KRT2: variants seen among roughly 807,000 people sequenced by gnomAD.
KRT2 encodes keratin 2, also known as keratin, type II cytoskeletal 2 epidermal.
KRT2 carries 37 observed loss-of-function variants against 48.5 expected under a neutral mutation model. That is an observed-to-expected ratio of 0.76 (90% CI 0.59 to 1.00). The LOEUF is 1.00. KRT2 is among the 50% of genes least tolerant of loss of function. KRT2 has a pLI of 0.00. For synonymous variants in KRT2, 324 were observed against 312.2 expected (o/e 1.04, Z -0.40); for missense variants, 880 against 815.2 (o/e 1.08, Z -0.97).
chr12:52,650,826 C>G (rs1279179650), intron 1 of KRT2, among the ~76,000 whole-genome samples: 3 of 152,210 alleles, frequency 2.0e-5, no homozygotes, highest in African/African-American at 7.2e-5. Flanking sequence ...TCCCAATACT[C>G]TAGACCATTT....
At chr12:52,650,590 T>C (rs746194171) in intron 1 of KRT2, 37 bp from the exon 2 acceptor site, 2 of 1,571,046 alleles carry the variant, frequency 1.3e-6, no homozygotes, top group South Asian at 2.2e-5. Flanking sequence ...GAGTTCTAGA[T>C]CATCCTTCAC....
rs1428199072 is a variant in KRT2 at position 52,650,498 on chromosome 12, TG to T, written c.640del (p.Gln214AsnfsTer3). On this transcript the variant is annotated frameshift_variant, in exon 2 of 9. Transcript: ENST00000309680. LOFTEE classifies it high-confidence loss of function. Reference protein sequence around the residue: ...QVLQTKWELLQQMNVGTRPIN... With the variant: ...QVLQTKWELLXQMNVGTRPIN... ...GGGGCGGGTGCCAACATTCATTTGT[TG>T]TAGCAGCTCCCATTTGGTCTGTAAC... The T allele has an allele frequency of 6.2e-7, 1 of 1,613,562 alleles. No individual in the cohort carries two copies. Among genetic ancestry groups the T allele is most frequent in the Non-Finnish European group, 8.5e-7 (1 of 1,180,040 alleles).
At chr12:52,650,953 G>T (rs1941240377) in intron 1 of KRT2, among the ~76,000 whole-genome samples, 1 of 152,160 alleles carries the variant, frequency 6.6e-6, no homozygotes, top group South Asian at 2.1e-4. Flanking sequence ...GTCCCAGAGG[G>T]CAGGGCTCCT....
rs1941147861 is a variant in KRT2 at position 52,645,325 on chromosome 12, A to G, written c.1614T>C (p.Ser538=). ...CAGACTGTCGGCCTCCAGAGCCATA[A>G]CTGCTGCTTCCAGAGCTGTATCCTC... ...SGGGYSSGSS[S]YGSGGRQSGS... Residue 538 remains serine, a synonymous_variant, in exon 9 of 9, where the codon AGT becomes AGC. Coordinates refer to ENST00000309680, the MANE Select transcript of KRT2 (RefSeq NM_000423.3). 2 of 1,614,050 alleles carry G rather than the reference A, an allele frequency of 1.2e-6. No individual in the cohort carries two copies. Among genetic ancestry groups the G allele is most frequent in the South Asian group, 2.2e-5 (2 of 91,078 alleles).
Position 52,645,289 on chromosome 12 carries a change from G to T in KRT2, c.1650C>A (p.Gly550=), listed in dbSNP as rs2232562. 3.1e-6 allele frequency: 5 copies of T among 1,613,806 alleles called. No homozygotes were observed. Among genetic ancestry groups the T allele is most frequent in the Non-Finnish European group, 4.2e-6 (5 of 1,179,956 alleles). ...AGATAGAACCTCCTCCTCCACTACC[G>T]CCTCTGGAGCCAGACTGTCGGCCTC... The part of the protein sequence containing the change: ...GSGGRQSGSR[G]GSGGGGSISG... Residue 550 remains glycine (G), a synonymous_variant, in exon 9 of 9, where the codon GGC becomes GGA. Coordinates refer to ENST00000309680, the MANE Select transcript of KRT2 (RefSeq NM_000423.3).
chr12:52,651,478 A>T, intron 1 of KRT2, 80 bp downstream of exon 1: 1 of 1,124,040 alleles, frequency 8.9e-7, no homozygotes, highest in Non-Finnish European at 1.4e-6. Context: ...AGAAATACAA[A>T]TCTGTGCCAT....
chr12:52,647,769 G>A lies in KRT2; in HGVS notation c.1209C>T (p.Ile403=). 6.2e-7 allele frequency: 1 copy of A among 1,613,992 alleles called. No homozygotes were observed. The highest frequency in any genetic ancestry group is 8.5e-7 in the Non-Finnish European group (1 of 1,179,982). Residue 403 remains isoleucine, a synonymous_variant, in exon 6 of 9, where the codon ATC becomes ATT. Transcript: ENST00000309680. ...GTGCGATCTCCCCCTGCAGCCTCTG[G>A]ATCACGCGGTTCAGCTCGCTGATCT... The part of the protein sequence containing the change: ...KIEISELNRV[I]QRLQGEIAHV...
Position 52,647,814 on chromosome 12 carries a change from G to T in KRT2, c.1164C>A (p.Ser388Arg), listed in dbSNP as rs141234487. 2.5e-6 allele frequency: 4 copies of T among 1,613,912 alleles called. No individual in the cohort carries two copies. The highest frequency in any genetic ancestry group is 3.4e-6 in the Non-Finnish European group (4 of 1,179,972). Residue 388 changes from serine to arginine, a missense_variant, in exon 6 of 9, where the codon AGC becomes AGA. By Grantham distance (110) the Ser-to-Arg change is moderately radical. Transcript: ENST00000309680. ...LQVTVGRHGD[S>R]LKEIKIEISE... Reference sequence around the variant, plus strand: ...TGATCTCTATCTTGATCTCTTTCAGGCTGTCTCCATGTCTCCCGACAGTCA... The same window carrying T: ...TGATCTCTATCTTGATCTCTTTCAGTCTGTCTCCATGTCTCCCGACAGTCA...
chr12:52,651,859 C>G lies in KRT2; in HGVS notation c.284G>C (p.Gly95Ala), dbSNP rs1480771450. ...TCCAAAGCTGCTGCCGCCTCCAAAA[C>G]CACCTCCTCTGCCACCAAATCCACC... ...AAGGFGGRGG[G>A]FGGGSSFGGG... is the part of the protein sequence containing the mutation. Residue 95 changes from glycine to alanine, a missense_variant, in exon 1 of 9, where the codon GGT (glycine) becomes GCT (alanine). Gly to Ala is a moderately conservative substitution (Grantham distance 60). Coordinates refer to ENST00000309680, the MANE Select transcript of KRT2 (RefSeq NM_000423.3). The G allele has an allele frequency of 6.2e-7, 1 of 1,605,554 alleles. No individual in the cohort carries two copies. Among genetic ancestry groups the G allele is most frequent in the South Asian group, 1.1e-5 (1 of 90,504 alleles).
intron 4 of KRT2, 45 bp downstream of exon 4, chr12:52,648,962 G>T: frequency 2.5e-6 from 3 of 1,200,664 alleles, no homozygotes; most frequent in Non-Finnish European, 3.7e-6. Flanking sequence ...TTCATTTGGT[G>T]AGAAGGGTGG....
intron 1 of KRT2, among the ~76,000 whole-genome samples, chr12:52,650,959 C>T (rs1167747229): frequency 6.6e-6 from 1 of 152,168 alleles, no homozygotes; most frequent in African/African-American, 2.4e-5. Flanking sequence ...GAGGGCAGGG[C>T]TCCTCAGCCT....
intron 3 of KRT2, 123 bp from the exon 4 acceptor site, chr12:52,649,225 T>C: frequency 1.4e-6 from 1 of 726,584 alleles, no homozygotes; most frequent in Non-Finnish European, 2.5e-6. Flanking sequence ...CCCAACCTGA[T>C]CCCTGTCCCC....
rs1592255969 is a variant in KRT2, at chr12:52,647,928, A to C, written c.1123-73T>G. 1.9e-6 allele frequency: 3 copies of C among 1,591,224 alleles called. No homozygotes were observed. In the East Asian group the frequency reaches 6.7e-5, roughly 36 times the overall value. ...TCACATTCCAGACTGACTGGAGTGA[A>C]GGAGAGCTGGTTACTGGTCCAGGGA... On this transcript the variant is annotated intron_variant, in intron 5 of 8. Coordinates refer to ENST00000309680, the MANE Select transcript of KRT2 (RefSeq NM_000423.3).
In KRT2 at chr12:52,644,883, C is replaced by A. The variant is rs1244725126; in HGVS notation, c.*136G>T. ...CTTTCAAAAACTGTATGTGGACATT[C>A]TTTTCCCTCAAAGTGCCATCAGAGA... is the stretch of plus-strand genomic sequence containing the variant. On this transcript the variant is annotated 3_prime_UTR_variant, in exon 9 of 9. Transcript: ENST00000309680. 8 of 891,170 alleles carry A rather than the reference C, an allele frequency of 9.0e-6. No homozygotes were observed. The highest frequency in any genetic ancestry group is 1.2e-5 in the Non-Finnish European group (7 of 566,812). The allele number at this position is 891,170 out of a possible 1,614,324, so 55.2% of individuals were successfully genotyped here.
At position 52,647,808 on chromosome 12, in the gene KRT2, T is replaced by C; in HGVS notation, c.1170A>G (p.Lys390=). 1 of 1,614,122 alleles carries C rather than the reference T, an allele frequency of 6.2e-7. No individual in the cohort carries two copies. The highest frequency in any genetic ancestry group is 1.1e-5 in the South Asian group (1 of 91,056). Residue 390 remains lysine, a synonymous_variant, in exon 6 of 9, where the codon AAA becomes AAG. Transcript: ENST00000309680. ...GCTCGCTGATCTCTATCTTGATCTC[T>C]TTCAGGCTGTCTCCATGTCTCCCGA... ...VTVGRHGDSL[K]EIKIEISELN... is the part of the protein sequence containing the mutation.
In KRT2 at chr12:52,651,678, G is replaced by T; in HGVS notation, c.465C>A (p.Val155=). The T allele has an allele frequency of 6.2e-7, 1 of 1,614,092 alleles. No homozygotes were observed. Among genetic ancestry groups the T allele is most frequent in the African/African-American group, 1.3e-5 (1 of 75,004 alleles). Residue 155 remains valine (V), a synonymous_variant, in exon 1 of 9, where the codon GTC becomes GTA. Transcript: ENST00000309680. ...GYPGGIHEVS[V]NQSLLQPLNV... ...TGAGAGGCTGCAGGAGGCTCTGGTTGACAGAGACTTCGTGGATGCCACCAG... is the reference window on the plus strand; with the variant it reads ...TGAGAGGCTGCAGGAGGCTCTGGTTTACAGAGACTTCGTGGATGCCACCAG...
chr12:52,650,781 G>A, intron 1 of KRT2: 2 of 584,650 alleles, frequency 3.4e-6, no homozygotes, highest in Non-Finnish European at 6.2e-6. Context: ...GAGACTCTTT[G>A]CTGCTTCACT....
chr12:52,647,066 TC>T, intron 6 of KRT2, 106 bp from the exon 7 acceptor site: 1 of 1,016,686 alleles, frequency 9.8e-7, no homozygotes, highest in Non-Finnish European at 1.5e-6. Flanking sequence ...GAGTGTTAGG[TC>T]CCCTCTGGAG....
At chr12:52,651,453 C>T in intron 1 of KRT2, 105 bp downstream of exon 1, 1 of 918,866 alleles carries the variant, frequency 1.1e-6, no homozygotes, top group Non-Finnish European at 1.8e-6. Flanking sequence ...TACTGCGGTA[C>T]ACCACTGGCT....
Sources: allele counts gnomAD v4.1 joint callset (sites outside exome capture counted in the v4.1 genomes callset), GRCh38; gene constraint gnomAD v4.1.1; transcripts MANE v1.5; gene names NCBI Gene and HGNC (gene_info 2026-07-23, HGNC 2026-07-21).